PEAR1: variants seen among roughly 807,000 people sequenced by gnomAD.
PEAR1 encodes the protein multiple EGF-like domains protein 12.
In PEAR1, 113 loss-of-function variants were observed where a neutral mutation model predicts 131.2. The ratio of observed to expected loss-of-function variants is 0.86; its 90% CI spans 0.74 to 1.01. The LOEUF (loss-of-function observed/expected upper bound fraction) is 1.01, where lower values mean the gene tolerates loss of function less well. Ranked by LOEUF, PEAR1 falls within the 50% of genes least tolerant of loss-of-function variation. PEAR1 has a pLI of 0.00. For synonymous variants in PEAR1, 565 were observed against 523.3 expected (o/e 1.08, Z -1.09); for missense variants, 1,408 against 1,391.1 (o/e 1.01, Z -0.19).
chr1:156,908,562 A>G lies in PEAR1; in HGVS notation c.1116-93A>G, dbSNP rs377323610. The G allele has an allele frequency of 5.4e-6, 7 of 1,307,244 alleles. No individual in the cohort carries two copies. Among genetic ancestry groups the G allele is most frequent in the Middle Eastern group, 2.7e-4 (1 of 3,680 alleles). 81.0% of individuals were successfully genotyped at this position (1,307,244 alleles called of 1,614,324 possible). On this transcript the variant is annotated intron_variant, in intron 9 of 22. Coordinates refer to ENST00000292357, the MANE Select transcript of PEAR1 (RefSeq NM_001080471.3). The surrounding 1 kb of genome is among the most constrained non-coding windows in gnomAD (Gnocchi z 4.2). ...CCCTAGTGACCCCCTTACCCCAGCG[A>G]TGTGCGAATCCCACTGACCACGCGG...
Position 156,912,917 on chromosome 1 carries a change from A to G in PEAR1, c.2357A>G (p.Glu786Gly). ...IGYRHWQKGK[E>G]HHHLAVAYSS... ...TATCGGCACTGGCAAAAAGGCAAGG[A>G]GCACCACCACCTGGCTGTGGCTTAC... is the stretch of plus-strand genomic sequence containing the variant. Residue 786 changes from glutamate (E) to glycine (G), a missense_variant, in exon 18 of 23, where the codon GAG (glutamate) becomes GGG (glycine). Coordinates refer to ENST00000292357, the MANE Select transcript of PEAR1 (RefSeq NM_001080471.3). 3.1e-6 allele frequency: 5 copies of G among 1,614,222 alleles called. No individual in the cohort carries two copies. The highest frequency in any genetic ancestry group is 4.2e-6 in the Non-Finnish European group (5 of 1,180,038).
In PEAR1 at chr1:156,908,819, C is replaced by T. The variant is rs757892510; in HGVS notation, c.1280C>T (p.Pro427Leu). ...QATSGLCQCA[P>L]GYTGPHCASL... ...ACCAGCGGCCTCTGTCAGTGCGCGC[C>T]GGGTTACACGGTGAGGCGCGCCCGG... Residue 427 changes from proline to leucine, a missense_variant, in exon 10 of 23, where the codon CCG (proline) becomes CTG (leucine). Physicochemically the swap from Pro to Leu is moderately conservative, Grantham distance 98 (BLOSUM62 -3). Transcript: ENST00000292357. This position sits in a 1 kb window ranked among gnomAD's most constrained non-coding sequence, Gnocchi z 4.2. The T allele has an allele frequency of 1.5e-5, 22 of 1,506,090 alleles. No individual in the cohort carries two copies. In the Admixed American group the frequency reaches 2.1e-4, roughly 15 times the overall value. 93.3% of individuals were successfully genotyped at this position (1,506,090 alleles called of 1,614,324 possible).
intron 1 of PEAR1, among the ~76,000 whole-genome samples, chr1:156,894,825 C>A (rs1042456794): frequency 3.9e-5 from 6 of 152,206 alleles, no homozygotes; most frequent in African/African-American, 1.2e-4. Flanking sequence ...TCAGCCAGGG[C>A]TCAGCTCGGG....
chr1:156,904,720 G>A (rs767803904), intron 2 of PEAR1, 28 bp from the exon 3 acceptor site: 5 of 1,580,442 alleles, frequency 3.2e-6, no homozygotes, highest in South Asian at 2.3e-5. Context: ...TCCTGCCCTC[G>A]GCCCTGACCC....
intron 1 of PEAR1, among the ~76,000 whole-genome samples, chr1:156,898,400 G>A (rs547168604): frequency 6.4e-4 from 98 of 152,260 alleles, no homozygotes; most frequent in African/African-American, 2.3e-3. Flanking sequence ...CACTCTGGCC[G>A]CATACGCAGG....
rs960592461 is a variant in PEAR1 at position 156,908,775 on chromosome 1, C to T, written c.1236C>T (p.His412=). 6.4e-7 allele frequency: 1 copy of T among 1,570,680 alleles called. No homozygotes were observed. The change falls in exon 10 of 23, where the codon CAC becomes CAT. Residue 412 remains histidine (H), a synonymous_variant. Transcript: ENST00000292357. This position sits in a 1 kb window ranked among gnomAD's most constrained non-coding sequence, Gnocchi z 4.2. ...PGCQEHCLCL[H]GGVCQATSGL... ...GCCAGGAGCACTGTCTCTGCCTGCA[C>T]GGTGGCGTCTGCCAGGCTACCAGCG...
Position 156,913,301 on chromosome 1 carries a change from G to C in PEAR1, c.2511+19G>C. The C allele has an allele frequency of 6.2e-7, 1 of 1,600,374 alleles. No individual in the cohort carries two copies. Among genetic ancestry groups the C allele is most frequent in the Non-Finnish European group, 8.5e-7 (1 of 1,172,746 alleles). On this transcript the variant is annotated intron_variant, in intron 19 of 22. Transcript: ENST00000292357. ...TAACAAGGTCAGTGCCGGGGGAGGG[G>C]GTGCACTGTGGAGGGAAGCGCACAG...
At chr1:156,896,158 G>A (rs1026979987) in intron 1 of PEAR1, among the ~76,000 whole-genome samples, 11 of 152,212 alleles carry the variant, frequency 7.2e-5, no homozygotes, top group Admixed American at 6.5e-4. Flanking sequence ...GGCTTCAGTT[G>A]CCTGTGTGGC....
chr1:156,911,081 C>CTTTCTTTCTTTG (rs1558143784), intron 15 of PEAR1, among the ~76,000 whole-genome samples: 8 of 130,490 alleles, frequency 6.1e-5, no homozygotes, highest in African/African-American at 2.6e-4. Context: ...TTCTTTCTTT[C>CTTTCTTTCTTTG]TTTCTTTCTT....
intron 1 of PEAR1, 123 bp from the exon 2 acceptor site, chr1:156,903,795 G>A: frequency 1.3e-6 from 1 of 746,838 alleles, no homozygotes; most frequent in South Asian, 1.6e-5. Flanking sequence ...AGAGCAAGGG[G>A]CCAGAGGACA....
At position 156,902,499 on chromosome 1, in the gene PEAR1, C is replaced by T. The variant is rs752175091; in HGVS notation, c.-9-1419C>T. Among the ~76,000 whole-genome samples, 44 of 151,944 alleles carry T rather than the reference C, an allele frequency of 2.9e-4. No individual in the cohort carries two copies. Among genetic ancestry groups the T allele is most frequent in the African/African-American group, 7.3e-4 (30 of 41,332 alleles). On this transcript the variant is annotated intron_variant, in intron 1 of 22. Coordinates refer to ENST00000292357, the MANE Select transcript of PEAR1 (RefSeq NM_001080471.3). This position sits in a 1 kb window ranked among gnomAD's most constrained non-coding sequence, Gnocchi z 4.3. ...GTTAAAGGTGAAGGAGGAACATGGG[C>T]GGCTGAGATGGGGTTAATTTAGGAG...
At chr1:156,904,692 G>T in intron 2 of PEAR1, 56 bp from the exon 3 acceptor site, 1 of 1,516,764 alleles carries the variant, frequency 6.6e-7, no homozygotes, top group South Asian at 1.3e-5. Flanking sequence ...TTTTCCCGTT[G>T]TGGCCGCTCA....
chr1:156,903,902 G>C lies in PEAR1; in HGVS notation c.-9-16G>C. The stretch of plus-strand genomic sequence containing the variant: ...GCTGCAGCGCCACTGCCCACTCTGC[G>C]CCGGTCTTGCTGCAGGCCTCTGCAA... On this transcript the variant is annotated splice_polypyrimidine_tract_variant and intron_variant, in intron 1 of 22. Transcript: ENST00000292357. The C allele has an allele frequency of 6.2e-7, 1 of 1,603,212 alleles. No individual in the cohort carries two copies. The highest frequency in any genetic ancestry group is 1.1e-5 in the South Asian group (1 of 90,808).
At chr1:156,897,634 C>T (rs1230815843) in intron 1 of PEAR1, among the ~76,000 whole-genome samples, 1 of 152,214 alleles carries the variant, frequency 6.6e-6, no homozygotes, top group Non-Finnish European at 1.5e-5. Context: ...CTTGAGGCCA[C>T]GCGGGTCTGT....
chr1:156,910,959 G>A (rs1651001435), intron 15 of PEAR1, among the ~76,000 whole-genome samples: 1 of 152,216 alleles, frequency 6.6e-6, no homozygotes, highest in Non-Finnish European at 1.5e-5. Context: ...TTCTGCATGG[G>A]AAGCCTGGGA....
chr1:156,910,320 C>A lies in PEAR1; in HGVS notation c.1765C>A (p.Leu589Ile). 1 of 1,613,276 alleles carries A rather than the reference C, an allele frequency of 6.2e-7. No individual in the cohort carries two copies. Among genetic ancestry groups the A allele is most frequent in the Non-Finnish European group, 8.5e-7 (1 of 1,179,650 alleles). ...TCTCKNGGTC[L>I]PENGNCVCAP... ...CACCTGCAAGAATGGGGGCACCTGT[C>A]TCCCTGAGAATGGCAACTGCGTGTG... is the stretch of plus-strand genomic sequence containing the variant. Residue 589 changes from leucine to isoleucine, a missense_variant, in exon 14 of 23, where the codon CTC (leucine) becomes ATC (isoleucine). Physicochemically the swap from Leu to Ile is conservative, Grantham distance 5. Transcript: ENST00000292357.
At chr1:156,910,418 A>G in intron 14 of PEAR1, 38 bp downstream of exon 14, 2 of 1,562,730 alleles carry the variant, frequency 1.3e-6, no homozygotes, top group Non-Finnish European at 1.7e-6. Flanking sequence ...TGCCACCAGC[A>G]GGGGGCAGTG....
intron 1 of PEAR1, 142 bp downstream of exon 1, chr1:156,893,979 AGAGGG>A (rs1260432776): frequency 6.6e-6 from 1 of 152,522 alleles, no homozygotes; most frequent in African/African-American, 2.4e-5. Flanking sequence ...AGTGTAGAAA[AGAGGG>A]ACTGATGGAG....
intron 20 of PEAR1, 74 bp from the exon 21 acceptor site, chr1:156,913,618 G>T (rs759462854): frequency 3.1e-4 from 488 of 1,596,892 alleles, no homozygotes; most frequent in Admixed American, 7.1e-4. Flanking sequence ...GGGGCTCTGG[G>T]CCCCATTTCT....
Sources: gnomAD v4.1 joint callset for allele counts (sites outside exome capture counted in the v4.1 genomes callset) on GRCh38, gnomAD v4.1.1 for gene constraint, Gnocchi (gnomAD v3.1) non-coding constraint, MANE v1.5 for transcripts, NCBI Gene and HGNC (gene_info 2026-07-23, HGNC 2026-07-21) for gene names.